PDGFRB: variants seen among roughly 807,000 people sequenced by gnomAD.
PDGFRB encodes platelet-derived growth factor receptor beta.
A neutral mutation model predicts 120.2 loss-of-function variants in PDGFRB; 42 were observed. The ratio of observed to expected loss-of-function variants is 0.35; its 90% CI spans 0.27 to 0.45. The LOEUF (loss-of-function observed/expected upper bound fraction) is 0.45, where lower values mean the gene tolerates loss of function less well. PDGFRB is among the 20% of genes least tolerant of loss of function. The pLI is 1.00. For missense variants in PDGFRB, 1,149 were observed against 1,476.3 expected (o/e 0.78, Z 3.63); for synonymous variants, 586 against 606.8 (o/e 0.97, Z 0.50).
chr5:150,126,442 C>G (rs1315928001), intron 11 of PDGFRB, 78 bp downstream of exon 11: 6 of 835,986 alleles, frequency 7.2e-6, no homozygotes, highest in Non-Finnish European at 1.1e-5. Flanking sequence ...ACGCAGCATT[C>G]AAGGAGGGCA....
chr5:150,144,056 C>T (rs1760851918), intron 1 of PDGFRB, among the ~76,000 whole-genome samples: 1 of 152,072 alleles, frequency 6.6e-6, no homozygotes, highest in Non-Finnish European at 1.5e-5. Context: ...CTGGCGTGTG[C>T]TCCCGCTGCT....
At chr5:150,117,499 C>T (rs190173502) in intron 22 of PDGFRB, 119 bp downstream of exon 22, 33 of 631,070 alleles carry the variant, frequency 5.2e-5, no homozygotes, top group South Asian at 5.1e-4. Flanking sequence ...ACTTACCCTA[C>T]GTAACTTACC....
chr5:150,143,586 A>T (rs1263948723), intron 1 of PDGFRB, among the ~76,000 whole-genome samples: 1 of 152,174 alleles, frequency 6.6e-6, no homozygotes, highest in Non-Finnish European at 1.5e-5. Flanking sequence ...GCTAAAGAGT[A>T]GGAAAGGGAT....
intron 22 of PDGFRB, 39 bp from the exon 23 acceptor site, chr5:150,115,985 GC>G: frequency 6.5e-7 from 1 of 1,532,320 alleles, no homozygotes; most frequent in Non-Finnish European, 8.8e-7. Flanking sequence ...CTAGGAAGGA[GC>G]CCAGGAGGAT....
rs140748060 is a variant in PDGFRB, at chr5:150,123,683, G to A, written c.2024-482C>T. ...CACAAACGAAAATGTTGAAATGAGC[G>A]ATCATTGCAAACGTGAATAAGTCTA... is the stretch of plus-strand genomic sequence containing the variant. On this transcript the variant is annotated intron_variant, in intron 14 of 22. Transcript: ENST00000261799. 2.2e-3 allele frequency among the ~76,000 whole-genome samples: 335 copies of A among 152,306 alleles called. 5 individuals are homozygous for A. In the East Asian group the frequency reaches 0.036, roughly 16 times the overall value.
In PDGFRB at chr5:150,115,889, C is replaced by T; in HGVS notation, c.3195G>A (p.Glu1065=). Residue 1065 remains glutamate, a synonymous_variant, in exon 23 of 23, where the codon GAG becomes GAA. Transcript: ENST00000261799. The part of the protein sequence containing the change: ...SSTISCDSPL[E]PQDEPEPEPQ... ...GCTCTGGCTCTGGTTCGTCCTGGGG[C>T]TCCAGGGGGCTGTCACAGGAGATGG... 4 of 1,607,064 alleles carry T rather than the reference C, an allele frequency of 2.5e-6. No homozygotes were observed. The highest frequency in any genetic ancestry group is 3.4e-6 in the Non-Finnish European group (4 of 1,176,170).
intron 1 of PDGFRB, among the ~76,000 whole-genome samples, chr5:150,141,079 G>A (rs887205693): frequency 2.6e-5 from 4 of 152,132 alleles, no homozygotes; most frequent in Admixed American, 6.5e-5. Context: ...GCCTGCCTAC[G>A]CACTTCCTCG....
chr5:150,121,162 C>G lies in PDGFRB; in HGVS notation c.2463+42G>C. 2.3e-6 allele frequency: 3 copies of G among 1,323,204 alleles called. No homozygotes were observed. Among genetic ancestry groups the G allele is most frequent in the Non-Finnish European group, 3.3e-6 (3 of 914,470 alleles). 82.0% of individuals were successfully genotyped at this position (1,323,204 alleles called of 1,614,324 possible). On this transcript the variant is annotated intron_variant, in intron 17 of 22. Coordinates refer to ENST00000261799, the MANE Select transcript of PDGFRB (RefSeq NM_002609.4). This position sits in a 1 kb window ranked among gnomAD's most constrained non-coding sequence, Gnocchi z 4.1. ...GATGCTGGCTGGCTGGGTGACCCAC[C>G]TCCCCACAGCCCCCACTCTGCCCCA...
chr5:150,134,469 G>C (rs1760565210), intron 4 of PDGFRB, among the ~76,000 whole-genome samples: 1 of 152,220 alleles, frequency 6.6e-6, no homozygotes, highest in South Asian at 2.1e-4. Flanking sequence ...GCAAAGCTGG[G>C]ATTTCGACCC....
At position 150,114,699 on chromosome 5, in the gene PDGFRB, TG is replaced by T. The variant is rs1421863524; in HGVS notation, c.*1063del. Reference sequence around the variant, plus strand: ...CCAGGAGCCCAGCTGACCCCCAGGATGGAAGTTTAGGGTATATGGCCTTGCT... The same window carrying T: ...CCAGGAGCCCAGCTGACCCCCAGGATGAAGTTTAGGGTATATGGCCTTGCT... On this transcript the variant is annotated 3_prime_UTR_variant, in exon 23 of 23. Coordinates refer to ENST00000261799, the MANE Select transcript of PDGFRB (RefSeq NM_002609.4). 1 of 233,502 alleles carries T rather than the reference TG, an allele frequency of 4.3e-6. No individual in the cohort carries two copies. Among genetic ancestry groups the T allele is most frequent in the Non-Finnish European group, 8.5e-6 (1 of 118,018 alleles). 14.5% of individuals were successfully genotyped at this position (233,502 alleles called of 1,614,324 possible). A position where few individuals can be genotyped will look rare whatever the true frequency, so the allele number is the denominator to read the frequency against.
In PDGFRB at chr5:150,125,508, C is replaced by A; in HGVS notation, c.1744G>T (p.Val582Leu). 1 of 1,613,858 alleles carries A rather than the reference C, an allele frequency of 6.2e-7. No homozygotes were observed. Among genetic ancestry groups the A allele is most frequent in the Non-Finnish European group, 8.5e-7 (1 of 1,179,768 alleles). ...VSSDGHEYIY[V>L]DPMQLPYDST... is the part of the protein sequence containing the mutation. ...TCATAGGGCAGCTGCATGGGGTCCA[C>A]GTAGATGTACTCATGGCCGTCAGAG... Residue 582 changes from valine (V) to leucine (L), a missense_variant, in exon 12 of 23, where the codon GTG (valine) becomes TTG (leucine). Physicochemically the swap from Val to Leu is conservative, Grantham distance 32. Coordinates refer to ENST00000261799, the MANE Select transcript of PDGFRB (RefSeq NM_002609.4).
At chr5:150,124,383 G>T in intron 13 of PDGFRB, 23 bp from the exon 14 acceptor site, 1 of 1,558,280 alleles carries the variant, frequency 6.4e-7, no homozygotes, top group Non-Finnish European at 8.9e-7. Flanking sequence ...GGGGCCCCAG[G>T]CCAGGCCCAG....
In PDGFRB at chr5:150,114,156, C is replaced by T; in HGVS notation, c.*1607G>A. ...CGTGCGGGGGCGTCTTGGCTACAAC[C>T]CTGACTCCCCTGGCACCTCCAATGC... On this transcript the variant is annotated 3_prime_UTR_variant, in exon 23 of 23. Coordinates refer to ENST00000261799, the MANE Select transcript of PDGFRB (RefSeq NM_002609.4). The T allele has an allele frequency of 4.3e-6, 1 of 233,342 alleles. No individual in the cohort carries two copies. The highest frequency in any genetic ancestry group is 6.0e-5 in the East Asian group (1 of 16,550). The allele number at this position is 233,342 out of a possible 1,614,324, so 14.5% of individuals were successfully genotyped here.
At chr5:150,118,919 G>T in intron 20 of PDGFRB, 67 bp from the exon 21 acceptor site, 1 of 909,104 alleles carries the variant, frequency 1.1e-6, no homozygotes, top group Non-Finnish European at 1.8e-6. Context: ...GGCTGGGGGA[G>T]CAGGAGGCTG....
intron 22 of PDGFRB, 56 bp downstream of exon 22, chr5:150,117,540 GCGCGCACACACACACACACACA>G: frequency 5.1e-6 from 3 of 593,164 alleles, no homozygotes; most frequent in South Asian, 3.9e-5. Flanking sequence ...GCGCGCGCGC[GCGCGCACACACACACACACACA>G]CACACACACA....
At chr5:150,147,861 C>T (rs1760968165) in intron 1 of PDGFRB, among the ~76,000 whole-genome samples, 1 of 152,168 alleles carries the variant, frequency 6.6e-6, no homozygotes, top group African/African-American at 2.4e-5. Flanking sequence ...GGGCCTGGCA[C>T]ACAGCCCTCT....
chr5:150,142,528 G>A (rs1356722383), intron 1 of PDGFRB, among the ~76,000 whole-genome samples: 2 of 152,172 alleles, frequency 1.3e-5, no homozygotes, highest in African/African-American at 4.8e-5. Flanking sequence ...CCGTACCGGG[G>A]CACTTTACAG....
Position 150,120,187 on chromosome 5 carries a change from G to A in PDGFRB, c.2587-64C>T. 1 of 778,646 alleles carries A rather than the reference G, an allele frequency of 1.3e-6. No individual in the cohort carries two copies. Among genetic ancestry groups the A allele is most frequent in the South Asian group, 1.4e-5 (1 of 73,654 alleles). 48.2% of individuals were successfully genotyped at this position (778,646 alleles called of 1,614,324 possible). A position where few individuals can be genotyped will look rare whatever the true frequency, so the allele number is the denominator to read the frequency against. On this transcript the variant is annotated intron_variant, in intron 18 of 22. Coordinates refer to ENST00000261799, the MANE Select transcript of PDGFRB (RefSeq NM_002609.4). This position sits in a 1 kb window ranked among gnomAD's most constrained non-coding sequence, Gnocchi z 4.3. ...GACCTCAGCCCCACTCTGCACCTGG[G>A]ATGGGAGGAGGGTATCTGGCAGCTC...
intron 1 of PDGFRB, among the ~76,000 whole-genome samples, chr5:150,139,887 G>A (rs1425878559): frequency 6.6e-6 from 1 of 152,088 alleles, no homozygotes; most frequent in East Asian, 1.9e-4. Context: ...GGCCGAGGCA[G>A]GAGAATCGCT....
Sources: allele counts gnomAD v4.1 joint callset (sites outside exome capture counted in the v4.1 genomes callset), GRCh38; gene constraint gnomAD v4.1.1; non-coding constraint Gnocchi (gnomAD v3.1); transcripts MANE v1.5; gene names NCBI Gene and HGNC (gene_info 2026-07-23, HGNC 2026-07-21).